The following DPYS variants were observed in gnomAD, a reference collection of about 807,000 sequenced individuals.
The protein encoded by DPYS is dihydropyrimidine amidohydrolase.
Under a neutral mutation model 50.3 loss-of-function variants are expected in DPYS, and 39 were observed. The observed-to-expected ratio is 0.78, with a 90% CI of 0.60 to 1.01. DPYS has a LOEUF of 1.01. Ranked by LOEUF, DPYS falls within the 50% of genes least tolerant of loss-of-function variation. The pLI is 0.00. For missense variants in DPYS, 659 were observed against 680.9 expected (o/e 0.97, Z 0.36); for synonymous variants, 245 against 250.7 (o/e 0.98, Z 0.22).
intron 8 of DPYS, among the ~76,000 whole-genome samples, chr8:104,386,524 C>T (rs1335143991): frequency 9.0e-5 from 13 of 144,388 alleles, no homozygotes; most frequent in Non-Finnish European, 1.8e-4. Flanking sequence ...CTGAGTGAGA[C>T]TCTTAAAAAA....
In DPYS at chr8:104,465,697, C is replaced by A. The variant is rs1814352468; in HGVS notation, c.264+960G>T. ...GCCAATGAACTAAGAAAAAAAATCTCATAATGTTTTAAGAAAGTTTATGAA... is the reference window on the plus strand; with the variant it reads ...GCCAATGAACTAAGAAAAAAAATCTAATAATGTTTTAAGAAAGTTTATGAA... On this transcript the variant is annotated intron_variant, in intron 1 of 9. Transcript: ENST00000351513. 2.0e-5 allele frequency among the ~76,000 whole-genome samples: 3 copies of A among 152,140 alleles called. No homozygotes were observed. The South Asian group carries it at 6.2e-4, about 32-fold the overall frequency.
At chr8:104,428,449 A>G (rs1009453843) in intron 5 of DPYS, among the ~76,000 whole-genome samples, 3 of 152,238 alleles carry the variant, frequency 2.0e-5, no homozygotes, top group African/African-American at 7.2e-5. Context: ...AGTCACATGT[A>G]CTTGATGAAG....
chr8:104,380,398 G>A (rs965087143), intron 9 of DPYS: 2 of 152,238 alleles, frequency 1.3e-5, no homozygotes, highest in African/African-American at 2.4e-5. Context: ...GATATCACAC[G>A]TTAAAAAAAA....
chr8:104,395,860 A>T (rs1444614825), intron 7 of DPYS, among the ~76,000 whole-genome samples: 1 of 139,200 alleles, frequency 7.2e-6, no homozygotes, highest in African/African-American at 2.6e-5. Flanking sequence ...AAAAAAAAAA[A>T]AGAGCTTTCA....
chr8:104,434,640 A>G (rs1813069037), intron 4 of DPYS, among the ~76,000 whole-genome samples: 1 of 152,228 alleles, frequency 6.6e-6, no homozygotes, highest in African/African-American at 2.4e-5. Context: ...ATATACAAAC[A>G]CATTAAACAA....
rs11388669 is a variant in DPYS at position 104,382,538 on chromosome 8, GT to G, written c.1444-1225del. ...CCTCCCTTTCAGGTCCTTGGTCCCT[GT>G]TTTTTTTTTTTTTTTTTCTTCTCCT... On this transcript the variant is annotated intron_variant, in intron 8 of 9. Coordinates refer to ENST00000351513, the MANE Select transcript of DPYS (RefSeq NM_001385.3). 5.4e-3 allele frequency among the ~76,000 whole-genome samples: 689 copies of G among 128,256 alleles called. 4 individuals are homozygous for G. The highest frequency in any genetic ancestry group is 0.011 in the African/African-American group (385 of 34,784). 84.1% of individuals were successfully genotyped at this position (128,256 alleles called of 152,430 possible). A position where few individuals can be genotyped will look rare whatever the true frequency, so the allele number is the denominator to read the frequency against.
At chr8:104,445,104 C>T (rs1015224975) in intron 3 of DPYS, among the ~76,000 whole-genome samples, 4 of 152,234 alleles carry the variant, frequency 2.6e-5, no homozygotes, top group South Asian at 2.1e-4. Context: ...ATTAAAAAGA[C>T]AGGCAATAAC....
At chr8:104,389,539 A>ATT (rs201683920) in intron 8 of DPYS, among the ~76,000 whole-genome samples, 31 of 116,496 alleles carry the variant, frequency 2.7e-4, no homozygotes, top group Non-Finnish European at 1.7e-5. Context: ...TCTTCCTTTT[A>ATT]TTTTTTTTTT....
chr8:104,421,697 T>A (rs960562805), intron 7 of DPYS, among the ~76,000 whole-genome samples: 2 of 152,096 alleles, frequency 1.3e-5, no homozygotes, highest in Admixed American at 6.6e-5. Context: ...TAGAAAGAAA[T>A]GTAAAAACAT....
At position 104,409,669 on chromosome 8, in the gene DPYS, C is replaced by G. The variant is rs191553326; in HGVS notation, c.1235+14578G>C. 2.0e-3 allele frequency among the ~76,000 whole-genome samples: 307 copies of G among 152,254 alleles called. 1 individual carries two copies. Among genetic ancestry groups the G allele is most frequent in the African/African-American group, 5.5e-3 (228 of 41,546 alleles). On this transcript the variant is annotated intron_variant, in intron 7 of 9. Coordinates refer to ENST00000351513, the MANE Select transcript of DPYS (RefSeq NM_001385.3). ...CATTTACTTTGGTATCTCCCTACTA[C>G]TGTATAACTCTCTAGTGCTTTATCA...
chr8:104,387,734 G>A (rs1169532368), intron 8 of DPYS, among the ~76,000 whole-genome samples: 1 of 152,140 alleles, frequency 6.6e-6, no homozygotes, highest in Admixed American at 6.5e-5. Flanking sequence ...GAACATAACT[G>A]GTGATCAATA....
rs142688254 is a variant in DPYS at position 104,380,601 on chromosome 8, G to T, written c.*14+583C>A. On this transcript the variant is annotated intron_variant, in intron 9 of 9. Transcript: ENST00000351513. The stretch of plus-strand genomic sequence containing the variant: ...GATACGAGGCACTTCAGAAAAGAAA[G>T]ATCTGCATGTCAAAAGACAGAGAAA... The T allele has an allele frequency of 5.3e-4, 81 of 154,222 alleles. 1 individual carries two copies. Among genetic ancestry groups the T allele is most frequent in the East Asian group, 4.4e-3 (23 of 5,220 alleles). The allele number at this position is 154,222 out of a possible 1,614,324, so 9.6% of individuals were successfully genotyped here. A position where few individuals can be genotyped will look rare whatever the true frequency, so the allele number is the denominator to read the frequency against.
chr8:104,400,386 T>C (rs971437153), intron 7 of DPYS, among the ~76,000 whole-genome samples: 17 of 152,232 alleles, frequency 1.1e-4, no homozygotes, highest in African/African-American at 3.9e-4. Flanking sequence ...TGTGGGGAGA[T>C]GTTATCACTA....
intron 4 of DPYS, among the ~76,000 whole-genome samples, chr8:104,436,115 G>A (rs1197966360): frequency 6.6e-6 from 1 of 152,130 alleles, no homozygotes; most frequent in Admixed American, 6.5e-5. Context: ...AACTGAAGCT[G>A]TCCAGTGACT....
At chr8:104,463,380 T>C (rs1309646252) in intron 1 of DPYS, among the ~76,000 whole-genome samples, 1 of 152,232 alleles carries the variant, frequency 6.6e-6, no homozygotes, top group Non-Finnish European at 1.5e-5. Flanking sequence ...CTCTGCTCTA[T>C]TTTTGAGAAA....
chr8:104,403,183 G>T (rs1161545213), intron 7 of DPYS, among the ~76,000 whole-genome samples: 1 of 152,112 alleles, frequency 6.6e-6, no homozygotes, highest in Non-Finnish European at 1.5e-5. Context: ...ATCTGGCAGG[G>T]TGTCCACTGT....
intron 4 of DPYS, among the ~76,000 whole-genome samples, chr8:104,433,153 C>T (rs1307585590): frequency 6.6e-6 from 1 of 152,162 alleles, no homozygotes; most frequent in African/African-American, 2.4e-5. Flanking sequence ...AGGAGCCAAC[C>T]CTGTTCAACC....
intron 4 of DPYS, among the ~76,000 whole-genome samples, chr8:104,436,801 G>A (rs985436115): frequency 3.3e-5 from 5 of 151,944 alleles, no homozygotes; most frequent in African/African-American, 1.2e-4. Context: ...TCGAGACCAG[G>A]CTGGGCAACA....
chr8:104,402,838 C>A (rs1376783383), intron 7 of DPYS, among the ~76,000 whole-genome samples: 1 of 152,160 alleles, frequency 6.6e-6, no homozygotes. Flanking sequence ...GTGATCACAT[C>A]CACCTTTAAA....
Sources: allele counts gnomAD v4.1 joint callset (sites outside exome capture counted in the v4.1 genomes callset), GRCh38; gene constraint gnomAD v4.1.1; transcripts MANE v1.5; gene names NCBI Gene and HGNC (gene_info 2026-07-23, HGNC 2026-07-21).